Variants in TULP4 observed in about 807,000 individuals in gnomAD.
TULP4 encodes TUB like protein 4.
A neutral mutation model predicts 129.0 loss-of-function variants in TULP4; 16 were observed. That is an observed-to-expected ratio of 0.12 (90% CI 0.08 to 0.19). The LOEUF is 0.19. Among genes scored for constraint, TULP4 ranks in the 10% least tolerant of loss-of-function variants. The pLI, the probability that TULP4 is intolerant of heterozygous loss-of-function variation, is 1.00. For synonymous variants in TULP4, 998 were observed against 854.0 expected (o/e 1.17, Z -2.94); for missense variants, 1,842 against 2,059.1 (o/e 0.89, Z 2.04).
intron 1 of TULP4, among the ~76,000 whole-genome samples, chr6:158,403,649 G>A (rs1175494697): frequency 2.6e-5 from 4 of 152,218 alleles, no homozygotes; most frequent in East Asian, 1.9e-4. Flanking sequence ...GGGACATTTC[G>A]CGTGTTAGGC....
rs371871343 is a variant in TULP4 at position 158,421,357 on chromosome 6, G to A, written c.381+8164G>A. ...AGCCTGGGCCACAGAGCGGGGCTCC[G>A]TCTCAAAAAAAAAAAAAGAAATACA... On this transcript the variant is annotated intron_variant, in intron 2 of 13. Coordinates refer to ENST00000367097, the MANE Select transcript of TULP4 (RefSeq NM_020245.5). Among the ~76,000 whole-genome samples, 145 of 113,004 alleles carry A rather than the reference G, an allele frequency of 1.3e-3. 2 individuals carry two copies. Among genetic ancestry groups the A allele is most frequent in the African/African-American group, 5.8e-3 (133 of 22,964 alleles). 74.1% of individuals were successfully genotyped at this position (113,004 alleles called of 152,430 possible).
chr6:158,393,770 C>T lies in TULP4; in HGVS notation c.253-19295C>T, dbSNP rs145670226. 8.5e-5 allele frequency among the ~76,000 whole-genome samples: 13 copies of T among 152,340 alleles called. No individual in the cohort carries two copies. The East Asian group carries it at 2.3e-3, about 27-fold the overall frequency. On this transcript the variant is annotated intron_variant, in intron 1 of 13. Transcript: ENST00000367097. ...CCAGCCCACTAATTCATTTTTTCTT[C>T]CTAGGCCTCCAGAGCTGTGATAGGA...
intron 5 of TULP4, among the ~76,000 whole-genome samples, chr6:158,455,882 G>A (rs552401365): frequency 6.6e-6 from 1 of 152,184 alleles, no homozygotes; most frequent in Non-Finnish European, 1.5e-5. Flanking sequence ...CTCTCTGAAG[G>A]TTCCCTGAAA....
chr6:158,308,165 T>C, upstream of TULP4, among the ~76,000 whole-genome samples: 1 of 35,756 alleles, frequency 2.8e-5, no homozygotes, highest in Non-Finnish European at 7.7e-5. Flanking sequence ...GCAGTGTTTG[T>C]GTCCCTGGGT....
At chr6:158,406,521 T>C (rs1020517823) in intron 1 of TULP4, among the ~76,000 whole-genome samples, 1 of 152,204 alleles carries the variant, frequency 6.6e-6, no homozygotes, top group Non-Finnish European at 1.5e-5. Flanking sequence ...TGGAAAAGAA[T>C]AGAAGTTAGA....
At chr6:158,504,356 T>C (rs1780548442) in intron 13 of TULP4, among the ~76,000 whole-genome samples, 178 bp downstream of exon 13, 1 of 151,824 alleles carries the variant, frequency 6.6e-6, no homozygotes, top group South Asian at 2.1e-4. Context: ...TGTATTTTTT[T>C]TTTTCTTTTT....
intron 2 of TULP4, among the ~76,000 whole-genome samples, chr6:158,426,584 G>A (rs961968380): frequency 1.3e-5 from 2 of 152,078 alleles, no homozygotes; most frequent in Non-Finnish European, 2.9e-5. Context: ...TCTGTGTGTC[G>A]TTTTTGTACC....
intron 1 of TULP4, among the ~76,000 whole-genome samples, chr6:158,362,205 A>G (rs898754006): frequency 6.6e-5 from 10 of 152,218 alleles, no homozygotes; most frequent in South Asian, 2.1e-4. Flanking sequence ...ACCACAGACT[A>G]TCTTCCAATA....
chr6:158,306,603 T>G (rs1031897141), intron 1 of TULP4, among the ~76,000 whole-genome samples: 1 of 152,092 alleles, frequency 6.6e-6, no homozygotes, highest in African/African-American at 2.4e-5. Context: ...TTTTAGAGAG[T>G]TAGTATATGT....
chr6:158,337,035 T>TTTTCTTTCTTTCTTTCTTTCTTTC (rs777358592), intron 1 of TULP4, among the ~76,000 whole-genome samples: 25 of 26,682 alleles, frequency 9.4e-4, no homozygotes, highest in Admixed American at 2.4e-3. Flanking sequence ...CTTTCTTTCT[T>TTTTCTTTCTTTCTTTCTTTCTTTC]TTTCTTTCTT....
At chr6:158,300,913 T>C (rs1321386729) in intron 1 of TULP4, among the ~76,000 whole-genome samples, 1 of 152,174 alleles carries the variant, frequency 6.6e-6, no homozygotes. Flanking sequence ...TCCAGCAGCA[T>C]TGACATGAGT....
intron 1 of TULP4, among the ~76,000 whole-genome samples, chr6:158,258,959 G>T (rs1040182792): frequency 6.6e-6 from 1 of 152,238 alleles, no homozygotes; most frequent in African/African-American, 2.4e-5. Flanking sequence ...GCCAGGTATA[G>T]TGGCTCATGC....
intron 2 of TULP4, among the ~76,000 whole-genome samples, chr6:158,423,610 T>G (rs1056750806): frequency 1.4e-5 from 2 of 145,148 alleles, no homozygotes; most frequent in South Asian, 2.3e-4. Flanking sequence ...TTTAAACTTG[T>G]TTGTTGTTAT....
At chr6:158,456,003 GTT>G (rs1378601613) in intron 5 of TULP4, among the ~76,000 whole-genome samples, 3 of 152,268 alleles carry the variant, frequency 2.0e-5, no homozygotes, top group African/African-American at 7.2e-5. Flanking sequence ...CATGGTTGAA[GTT>G]TTTATACCCT....
At chr6:158,474,762 G>T (rs1443837175) in intron 6 of TULP4, among the ~76,000 whole-genome samples, 1 of 152,152 alleles carries the variant, frequency 6.6e-6, no homozygotes, top group Non-Finnish European at 1.5e-5. Context: ...CAGAATATTT[G>T]CATTGTATCA....
intron 1 of TULP4, among the ~76,000 whole-genome samples, chr6:158,362,876 T>C (rs1780828815): frequency 6.6e-6 from 1 of 150,986 alleles, no homozygotes; most frequent in Non-Finnish European, 1.5e-5. Context: ...CCTGGCCAAG[T>C]TGGTGAAACC....
chr6:158,275,247 A>G (rs1778623542), intron 1 of TULP4, among the ~76,000 whole-genome samples: 1 of 152,084 alleles, frequency 6.6e-6, no homozygotes, highest in Non-Finnish European at 1.5e-5. Flanking sequence ...CTTTCCTCTT[A>G]GTCCTGCCCA....
chr6:158,490,064 T>C (rs1250369276), intron 9 of TULP4, among the ~76,000 whole-genome samples: 1 of 152,184 alleles, frequency 6.6e-6, no homozygotes, highest in African/African-American at 2.4e-5. Flanking sequence ...AAGGTTCCCC[T>C]GTGGATGTAA....
At chr6:158,233,210 C>T (rs947583267) in intron 1 of TULP4, among the ~76,000 whole-genome samples, 14 of 152,216 alleles carry the variant, frequency 9.2e-5, no homozygotes, top group African/African-American at 3.1e-4. Context: ...CTGCCCTTGT[C>T]ATCAGAAAGT....
Sources: allele counts gnomAD v4.1 joint callset (sites outside exome capture counted in the v4.1 genomes callset), GRCh38; gene constraint gnomAD v4.1.1; transcripts MANE v1.5; gene names NCBI Gene and HGNC (gene_info 2026-07-23, HGNC 2026-07-21).